The following SLC25A21 variants were observed in gnomAD, a reference collection of about 807,000 sequenced individuals.
SLC25A21 encodes the protein mitochondrial 2-oxodicarboxylate carrier.
A neutral mutation model predicts 43.8 loss-of-function variants in SLC25A21; 47 were observed. The observed-to-expected ratio is 1.07, with a 90% CI of 0.85 to 1.37. SLC25A21 has a LOEUF of 1.37. Among genes scored for constraint, SLC25A21 ranks in the 40% most tolerant of loss-of-function variants. The probability of loss-of-function intolerance (pLI) is 0.00; values close to 1 mark genes in which losing one functional copy is unlikely to be tolerated. For missense variants in SLC25A21, 352 were observed against 350.2 expected (o/e 1.00, Z -0.04); for synonymous variants, 131 against 121.3 (o/e 1.08, Z -0.52).
At chr14:36,742,045 G>A (rs1885287293) in intron 3 of SLC25A21, among the ~76,000 whole-genome samples, 1 of 152,114 alleles carries the variant, frequency 6.6e-6, no homozygotes, top group Non-Finnish European at 1.5e-5. Flanking sequence ...TCAGGCTTCA[G>A]GCATCCTCCT....
intron 1 of SLC25A21, among the ~76,000 whole-genome samples, chr14:36,960,789 A>C (rs1249452761): frequency 6.6e-6 from 1 of 152,228 alleles, no homozygotes; most frequent in Non-Finnish European, 1.5e-5. Context: ...AAAACAAAAA[A>C]GAAAGTCCAA....
intron 1 of SLC25A21, among the ~76,000 whole-genome samples, chr14:37,090,160 C>T (rs1962558060): frequency 6.6e-6 from 1 of 152,166 alleles, no homozygotes; most frequent in African/African-American, 2.4e-5. Flanking sequence ...ATGAAAAGCT[C>T]CTTCTCAGGC....
intron 1 of SLC25A21, among the ~76,000 whole-genome samples, chr14:36,913,539 G>A (rs1891747046): frequency 1.3e-5 from 2 of 152,166 alleles, no homozygotes; most frequent in Non-Finnish European, 2.9e-5. Context: ...GCCTCCCAGA[G>A]TGCTAGGATT....
chr14:36,891,195 CTT>C (rs1407217436), intron 1 of SLC25A21, among the ~76,000 whole-genome samples: 1 of 152,118 alleles, frequency 6.6e-6, no homozygotes, highest in African/African-American at 2.4e-5. Context: ...AAAAGAATCT[CTT>C]GATGGATGAA....
At chr14:36,779,609 C>CATATATAT (rs35392668) in intron 3 of SLC25A21, among the ~76,000 whole-genome samples, 6,705 of 121,860 alleles carry the variant, frequency 0.055, 331 homozygotes, top group Non-Finnish European at 0.079. Flanking sequence ...TATGTGTATA[C>CATATATAT]ATATATATAT....
Position 36,770,117 on chromosome 14 carries a change from C to A in SLC25A21, c.204-35544G>T, listed in dbSNP as rs1566595221. Among the ~76,000 whole-genome samples the A allele has an allele frequency of 2.6e-5, 4 of 152,142 alleles. No homozygotes were observed. In the East Asian group the frequency reaches 5.8e-4, roughly 22 times the overall value. On this transcript the variant is annotated intron_variant, in intron 3 of 9. Transcript: ENST00000331299. Reference sequence around the variant, plus strand: ...CACAATAACAAAGACATGGAGTCAACCTAAGTGTCCATCAATGGTGGACTG... The same window carrying A: ...CACAATAACAAAGACATGGAGTCAAACTAAGTGTCCATCAATGGTGGACTG...
chr14:36,949,338 T>C (rs1462715199), intron 1 of SLC25A21, among the ~76,000 whole-genome samples: 2 of 152,242 alleles, frequency 1.3e-5, no homozygotes, highest in African/African-American at 2.4e-5. Flanking sequence ...ATGCCTCTTA[T>C]ATACTGTGAA....
At chr14:36,701,098 T>G (rs2139170011) in intron 7 of SLC25A21, among the ~76,000 whole-genome samples, 1 of 152,364 alleles carries the variant, frequency 6.6e-6, no homozygotes, top group Admixed American at 6.5e-5. Flanking sequence ...TCATTCCTTC[T>G]AATCTTGGCT....
At chr14:37,101,843 T>A (rs1962822749) in intron 1 of SLC25A21, among the ~76,000 whole-genome samples, 1 of 152,154 alleles carries the variant, frequency 6.6e-6, no homozygotes, top group African/African-American at 2.4e-5. Flanking sequence ...TTAAGTGAAT[T>A]ATGGGTGATT....
intron 1 of SLC25A21, among the ~76,000 whole-genome samples, chr14:37,030,760 G>A (rs929082242): frequency 4.6e-5 from 7 of 152,092 alleles, no homozygotes; most frequent in African/African-American, 1.2e-4. Flanking sequence ...GTTTGTACTC[G>A]TTGGTAAGTG....
chr14:36,861,783 A>C (rs950430208), intron 2 of SLC25A21, among the ~76,000 whole-genome samples: 2 of 152,330 alleles, frequency 1.3e-5, no homozygotes. Flanking sequence ...CTAATCTCAG[A>C]TAGACCTTGA....
At chr14:37,005,322 C>T (rs570343531) in intron 1 of SLC25A21, among the ~76,000 whole-genome samples, 4 of 152,184 alleles carry the variant, frequency 2.6e-5, no homozygotes, top group African/African-American at 9.6e-5. Context: ...TCAGGCAGCT[C>T]TTCAAGTTTA....
intron 3 of SLC25A21, among the ~76,000 whole-genome samples, chr14:36,766,146 C>A (rs1886407693): frequency 6.6e-6 from 1 of 152,062 alleles, no homozygotes; most frequent in African/African-American, 2.4e-5. Flanking sequence ...TTTCTCTCAA[C>A]CATGATCTAC....
chr14:36,916,172 T>C (rs772268810), intron 1 of SLC25A21, among the ~76,000 whole-genome samples: 4 of 152,194 alleles, frequency 2.6e-5, no homozygotes, highest in African/African-American at 7.2e-5. Context: ...GAAAATTTCA[T>C]GGAGAAAAGA....
intron 1 of SLC25A21, among the ~76,000 whole-genome samples, chr14:37,145,723 G>A (rs994954687): frequency 2.0e-5 from 3 of 152,072 alleles, no homozygotes; most frequent in African/African-American, 7.2e-5. Context: ...CAAACTGTAA[G>A]CAACTCAACA....
At chr14:36,956,443 G>T (rs1239873732) in intron 1 of SLC25A21, among the ~76,000 whole-genome samples, 2 of 152,200 alleles carry the variant, frequency 1.3e-5, no homozygotes, top group African/African-American at 4.8e-5. Context: ...AATGCATACT[G>T]TACCTTACTG....
At chr14:36,709,211 G>C (rs1266095731) in intron 7 of SLC25A21, among the ~76,000 whole-genome samples, 1 of 152,108 alleles carries the variant, frequency 6.6e-6, no homozygotes, top group African/African-American at 2.4e-5. Context: ...CTTACAGTCT[G>C]AAAAACAGAG....
At chr14:36,779,072 G>T (rs1433614980) in intron 3 of SLC25A21, among the ~76,000 whole-genome samples, 1 of 151,642 alleles carries the variant, frequency 6.6e-6, no homozygotes, top group African/African-American at 2.4e-5. Context: ...TGCAGTATGT[G>T]TCTTTCTGTG....
intron 1 of SLC25A21, among the ~76,000 whole-genome samples, chr14:36,956,806 T>C (rs192935267): frequency 5.3e-5 from 8 of 152,338 alleles, no homozygotes; most frequent in African/African-American, 1.7e-4. Flanking sequence ...AAATGTTTTA[T>C]CATCTAGCAA....
Sources: gnomAD v4.1 joint callset for allele counts (sites outside exome capture counted in the v4.1 genomes callset) on GRCh38, gnomAD v4.1.1 for gene constraint, MANE v1.5 for transcripts, NCBI Gene and HGNC (gene_info 2026-07-23, HGNC 2026-07-21) for gene names.